The following IPCEF1 variants were observed in gnomAD, a reference collection of about 807,000 sequenced individuals.
IPCEF1 encodes interaction protein for cytohesin exchange factors 1, also known as interactor protein for cytohesin exchange factors 1.
In IPCEF1, 31 loss-of-function variants were observed where a neutral mutation model predicts 50.9. That is an observed-to-expected ratio of 0.61 (90% confidence interval 0.46 to 0.82). The LOEUF (loss-of-function observed/expected upper bound fraction) is 0.82. Ranked by LOEUF, IPCEF1 falls within the 40% of genes least tolerant of loss-of-function variation. The probability of loss-of-function intolerance (pLI) is 0.00; values close to 1 mark genes in which losing one functional copy is unlikely to be tolerated. For missense variants in IPCEF1, 458 were observed against 514.0 expected, an observed-to-expected ratio of 0.89 and a Z score of 1.05; for synonymous variants, 181 against 192.0, an observed-to-expected ratio of 0.94 and a Z score of 0.47.
At chr6:154,344,290 G>T (rs561696049) in intron 1 of IPCEF1, among the ~76,000 whole-genome samples, 1 of 152,218 alleles carries the variant, frequency 6.6e-6, no homozygotes, top group East Asian at 1.9e-4. Context: ...AAGATCCCTG[G>T]TGTTCCTCCA....
At chr6:154,214,425 C>T in intron 7 of IPCEF1, 149 bp from the exon 8 acceptor site, 1 of 674,566 alleles carries the variant, frequency 1.5e-6, no homozygotes, top group Non-Finnish European at 2.7e-6. Flanking sequence ...CCATCGAAAC[C>T]TAAGGCCTCT....
intron 10 of IPCEF1, among the ~76,000 whole-genome samples, chr6:154,196,400 CTTCT>C (rs968576609): frequency 6.6e-6 from 1 of 152,114 alleles, no homozygotes; most frequent in African/African-American, 2.4e-5. Flanking sequence ...ATGCCTGCCT[CTTCT>C]TTAACAATGT....
intron 5 of IPCEF1, among the ~76,000 whole-genome samples, chr6:154,235,425 G>C (rs577274865): frequency 1.3e-5 from 2 of 150,892 alleles, no homozygotes; most frequent in Non-Finnish European, 2.9e-5. Flanking sequence ...CCAGCTACTC[G>C]AGAGGCTGAG....
At chr6:154,300,934 T>C (rs1218459338) in intron 1 of IPCEF1, among the ~76,000 whole-genome samples, 2 of 152,194 alleles carry the variant, frequency 1.3e-5, no homozygotes, top group Non-Finnish European at 2.9e-5. Flanking sequence ...ACAGACCAGC[T>C]ATTCTAAACC....
intron 5 of IPCEF1, among the ~76,000 whole-genome samples, chr6:154,225,558 C>G (rs1299690025): frequency 6.6e-6 from 1 of 152,130 alleles, no homozygotes; most frequent in African/African-American, 2.4e-5. Context: ...AGAGACAGAA[C>G]ACAGCTAATT....
At chr6:154,201,894 C>CA (rs1335188171) in intron 9 of IPCEF1, among the ~76,000 whole-genome samples, 1 of 151,894 alleles carries the variant, frequency 6.6e-6, no homozygotes, top group Non-Finnish European at 1.5e-5. Context: ...GGCTCCATCT[C>CA]AAAAAAACAA....
intron 1 of IPCEF1, among the ~76,000 whole-genome samples, chr6:154,334,611 A>G (rs1783750255): frequency 2.6e-5 from 4 of 152,234 alleles, no homozygotes; most frequent in Admixed American, 2.0e-4. Context: ...ATAAATCAAC[A>G]GAGACAACTT....
chr6:154,292,040 A>G (rs566284334), intron 1 of IPCEF1, among the ~76,000 whole-genome samples: 48 of 152,280 alleles, frequency 3.2e-4, no homozygotes, highest in African/African-American at 1.1e-3. Context: ...AAATGTTCCA[A>G]TTGTATCACT....
At chr6:154,218,207 A>G (rs988148991) in intron 7 of IPCEF1, among the ~76,000 whole-genome samples, 3 of 152,232 alleles carry the variant, frequency 2.0e-5, no homozygotes, top group Non-Finnish European at 2.9e-5. Context: ...TTTGTTGTAT[A>G]TTAACTTGAC....
In IPCEF1 at chr6:154,221,447, C is replaced by CA. The variant is rs1463281101; in HGVS notation, c.321-120dup. 5.2e-5 allele frequency: 40 copies of CA among 773,478 alleles called. 1 individual carries two copies. The East Asian group carries it at 1.0e-3, about 19-fold the overall frequency. 47.9% of individuals were successfully genotyped at this position (773,478 alleles called of 1,614,324 possible). ...CTTGTCTGCTTTCTTTGTAAATTTA[C>CA]AAAAAATAATTTAGTAATATTAGAT... On this transcript the variant is annotated intron_variant, in intron 6 of 11. Coordinates refer to ENST00000367220, the MANE Select transcript of IPCEF1 (RefSeq NM_001130700.2).
chr6:154,248,896 T>G (rs1781269525), intron 3 of IPCEF1, among the ~76,000 whole-genome samples: 2 of 152,116 alleles, frequency 1.3e-5, no homozygotes, highest in Admixed American at 1.3e-4. Flanking sequence ...AAACAAATAC[T>G]TTATATCTAA....
chr6:154,333,442 G>A (rs1177695011), intron 1 of IPCEF1, among the ~76,000 whole-genome samples: 1 of 151,838 alleles, frequency 6.6e-6, no homozygotes, highest in Non-Finnish European at 1.5e-5. Context: ...CAGACTCCAA[G>A]TTTCTTCAGT....
chr6:154,216,694 C>A (rs907836050), intron 7 of IPCEF1, among the ~76,000 whole-genome samples: 4 of 152,106 alleles, frequency 2.6e-5, no homozygotes, highest in African/African-American at 4.8e-5. Context: ...ATGGTGAAAC[C>A]CTGTCTTTAC....
At position 154,235,074 on chromosome 6, in the gene IPCEF1, G is replaced by C. The variant is rs115943385; in HGVS notation, c.246+11517C>G. ...TGAAGGAAAGCTTTTAAATGAATCA[G>C]AAGAAATTTGATAAAATCTCACCAT... On this transcript the variant is annotated intron_variant, in intron 5 of 11. Transcript: ENST00000367220. Among the ~76,000 whole-genome samples, 1,199 of 152,306 alleles carry C rather than the reference G, an allele frequency of 7.9e-3. 20 individuals are homozygous for C. The highest frequency in any genetic ancestry group is 0.027 in the African/African-American group (1,137 of 41,562).
At chr6:154,317,979 A>G (rs1783266646) in intron 1 of IPCEF1, among the ~76,000 whole-genome samples, 1 of 152,368 alleles carries the variant, frequency 6.6e-6, no homozygotes, top group Admixed American at 6.5e-5. Context: ...TAATATGTTC[A>G]TAAGACAGAA....
chr6:154,200,667 G>T (rs1776994649), intron 9 of IPCEF1, among the ~76,000 whole-genome samples: 1 of 152,184 alleles, frequency 6.6e-6, no homozygotes, highest in Admixed American at 6.5e-5. Flanking sequence ...ATTGCAGCGA[G>T]CTAAGATCAT....
chr6:154,301,391 C>G (rs1782791825), intron 1 of IPCEF1, among the ~76,000 whole-genome samples: 1 of 152,180 alleles, frequency 6.6e-6, no homozygotes, highest in Admixed American at 6.5e-5. Context: ...TTGAGGCTAT[C>G]TGATCCAGGC....
rs1382837456 is a variant in IPCEF1, at chr6:154,200,051, C to A, written c.538-11G>T. Reference sequence around the variant, plus strand: ...TGCCTGCTGTGCAGTCTATTTTTCACAAATAAAACCAAAAAAAGAATAAAA... The same window carrying A: ...TGCCTGCTGTGCAGTCTATTTTTCAAAAATAAAACCAAAAAAAGAATAAAA... On this transcript the variant is annotated splice_polypyrimidine_tract_variant and intron_variant, in intron 9 of 11. Transcript: ENST00000367220. The A allele has an allele frequency of 4.5e-6, 7 of 1,568,916 alleles. No homozygotes were observed. In the Admixed American group the frequency reaches 6.0e-5, roughly 13 times the overall value.
intron 1 of IPCEF1, among the ~76,000 whole-genome samples, chr6:154,302,284 GC>G (rs1782815462): frequency 6.6e-6 from 1 of 152,098 alleles, no homozygotes; most frequent in Non-Finnish European, 1.5e-5. Context: ...TCTGAGTCAC[GC>G]TCACTTCGAG....
Sources: gnomAD v4.1 joint callset for allele counts (sites outside exome capture counted in the v4.1 genomes callset) on GRCh38, gnomAD v4.1.1 for gene constraint, MANE v1.5 for transcripts, NCBI Gene and HGNC (gene_info 2026-07-23, HGNC 2026-07-21) for gene names.